The following MYRIP variants were observed in gnomAD, a reference collection of about 807,000 sequenced individuals.
MYRIP encodes the protein myosin VIIA and Rab interacting protein.
MYRIP carries 49 observed loss-of-function variants against 98.0 expected under a neutral mutation model. That is an observed-to-expected ratio of 0.50 (90% CI 0.40 to 0.63). The LOEUF is 0.63. Among genes scored for constraint, MYRIP ranks in the 30% least tolerant of loss-of-function variants. The probability of loss-of-function intolerance (pLI) is 0.00; values close to 1 mark genes in which losing one functional copy is unlikely to be tolerated. For missense variants in MYRIP, 1,004 were observed against 1,058.2 expected, an observed-to-expected ratio of 0.95 and a Z score of 0.71; for synonymous variants, 404 against 409.5, an observed-to-expected ratio of 0.99 and a Z score of 0.16.
At chr3:40,013,232 A>C (rs951875585) in intron 2 of MYRIP, among the ~76,000 whole-genome samples, 2 of 152,316 alleles carry the variant, frequency 1.3e-5, no homozygotes, top group African/African-American at 4.8e-5. Context: ...ACGTTTTTGC[A>C]CTTCCATTAT....
chr3:40,170,479 G>A (rs929046977), intron 8 of MYRIP, among the ~76,000 whole-genome samples: 13 of 152,130 alleles, frequency 8.5e-5, no homozygotes, highest in Non-Finnish European at 1.6e-4. Flanking sequence ...AAGTGACAGC[G>A]AGAAAATTAC....
chr3:39,993,128 C>T (rs958974580), intron 2 of MYRIP, among the ~76,000 whole-genome samples: 2 of 152,146 alleles, frequency 1.3e-5, no homozygotes, highest in Non-Finnish European at 2.9e-5. Context: ...TAAGGGCATT[C>T]TTGCTGTGTC....
intron 4 of MYRIP, 66 bp downstream of exon 4, chr3:40,151,250 G>C: frequency 6.7e-7 from 1 of 1,500,970 alleles, no homozygotes; most frequent in Non-Finnish European, 8.9e-7. Flanking sequence ...CTGGCTCAGG[G>C]GCCCTGAACA....
At chr3:39,813,899 T>C (rs898616863) in intron 1 of MYRIP, among the ~76,000 whole-genome samples, 1 of 98,272 alleles carries the variant, frequency 1.0e-5, no homozygotes, top group Non-Finnish European at 2.3e-5. Context: ...GTCTTATCTA[T>C]TTTTGTGATT....
At chr3:40,108,598 T>G (rs1949098771) in intron 3 of MYRIP, among the ~76,000 whole-genome samples, 2 of 152,072 alleles carry the variant, frequency 1.3e-5, no homozygotes, top group Non-Finnish European at 2.9e-5. Context: ...AAGTAAGAAG[T>G]GCATTTCAGA....
chr3:39,876,953 A>G (rs1943015271), intron 1 of MYRIP, among the ~76,000 whole-genome samples: 2 of 152,040 alleles, frequency 1.3e-5, no homozygotes, highest in South Asian at 4.2e-4. Flanking sequence ...ACTTGGTTTG[A>G]TTCTCCCCGT....
At chr3:39,874,013 C>T (rs1388672724) in intron 1 of MYRIP, among the ~76,000 whole-genome samples, 1 of 138,838 alleles carries the variant, frequency 7.2e-6, no homozygotes, top group Non-Finnish European at 1.6e-5. Context: ...CTTTTATTTC[C>T]TTGAGCAGTG....
chr3:40,240,076 A>ATT (rs1952956963), intron 12 of MYRIP, among the ~76,000 whole-genome samples: 1 of 136,744 alleles, frequency 7.3e-6, no homozygotes, highest in Non-Finnish European at 1.5e-5. Flanking sequence ...TCTTGAATTG[A>ATT]TTTTTGTATA....
intron 3 of MYRIP, among the ~76,000 whole-genome samples, chr3:40,116,867 T>G (rs1410701518): frequency 6.6e-6 from 1 of 152,232 alleles, no homozygotes; most frequent in Non-Finnish European, 1.5e-5. Context: ...CATTATTGAT[T>G]TTGCCATGAA....
intron 3 of MYRIP, among the ~76,000 whole-genome samples, chr3:40,051,641 T>C (rs752302947): frequency 6.6e-6 from 1 of 152,146 alleles, no homozygotes; most frequent in Non-Finnish European, 1.5e-5. Context: ...ACAGAACAAT[T>C]TGGAAAATTG....
At position 39,973,007 on chromosome 3, in the gene MYRIP, A is replaced by T. The variant is rs115950680; in HGVS notation, c.111-71043A>T. On this transcript the variant is annotated intron_variant, in intron 2 of 16. Transcript: ENST00000302541. ...TTTGCTAAATAAATAGAGAATGTAT[A>T]TATGTGTGTTCATATTGATTTTTAA... 5.8e-3 allele frequency among the ~76,000 whole-genome samples: 884 copies of T among 152,186 alleles called. 9 individuals carry two copies. Among genetic ancestry groups the T allele is most frequent in the African/African-American group, 0.02 (819 of 41,568 alleles).
At chr3:40,089,326 TTG>T (rs1182280578) in intron 3 of MYRIP, among the ~76,000 whole-genome samples, 2 of 152,246 alleles carry the variant, frequency 1.3e-5, no homozygotes, top group African/African-American at 4.8e-5. Flanking sequence ...TTTGCTTGCA[TTG>T]TGTTATTTTA....
At chr3:40,198,841 T>TA (rs1307253871) in intron 10 of MYRIP, among the ~76,000 whole-genome samples, 1 of 152,226 alleles carries the variant, frequency 6.6e-6, no homozygotes, top group Non-Finnish European at 1.5e-5. Context: ...TAACCATCTG[T>TA]AAATATTCAT....
intron 4 of MYRIP, among the ~76,000 whole-genome samples, chr3:40,154,510 A>T (rs58638148): frequency 0.06 from 9,162 of 152,238 alleles, 446 homozygotes; most frequent in East Asian, 0.21. Flanking sequence ...ACGAGTGCTC[A>T]CATGGCTTCT....
chr3:39,938,238 C>A (rs79517853), intron 2 of MYRIP, among the ~76,000 whole-genome samples: 2,704 of 152,212 alleles, frequency 0.018, 68 homozygotes, highest in African/African-American at 0.061. Flanking sequence ...TAAATGGTAT[C>A]ATTTATATTT....
At chr3:40,009,857 C>T (rs776749819) in intron 2 of MYRIP, among the ~76,000 whole-genome samples, 16 of 152,164 alleles carry the variant, frequency 1.1e-4, no homozygotes, top group Admixed American at 2.0e-4. Flanking sequence ...ACAAAGTAGG[C>T]GTTATTGGCC....
At chr3:40,029,624 A>G (rs898206667) in intron 2 of MYRIP, among the ~76,000 whole-genome samples, 1 of 152,192 alleles carries the variant, frequency 6.6e-6, no homozygotes, top group Non-Finnish European at 1.5e-5. Context: ...TTTTACTAAA[A>G]CCAAACAAAA....
chr3:39,846,573 C>A (rs999097595), intron 1 of MYRIP, among the ~76,000 whole-genome samples: 7 of 152,154 alleles, frequency 4.6e-5, no homozygotes, highest in African/African-American at 1.7e-4. Flanking sequence ...CTCATTGTTG[C>A]TTTGAAGTTG....
chr3:40,112,196 C>T (rs1390477031), intron 3 of MYRIP, among the ~76,000 whole-genome samples: 1 of 145,306 alleles, frequency 6.9e-6, no homozygotes, highest in Non-Finnish European at 1.5e-5. Flanking sequence ...GGAACACACA[C>T]ACATACGCTC....
Sources: gnomAD v4.1 joint callset for allele counts (sites outside exome capture counted in the v4.1 genomes callset) on GRCh38, gnomAD v4.1.1 for gene constraint, MANE v1.5 for transcripts, NCBI Gene and HGNC (gene_info 2026-07-23, HGNC 2026-07-21) for gene names.